GPR107: variants seen among roughly 807,000 people sequenced by gnomAD.
GPR107 encodes G protein-coupled receptor 107, also known as protein GPR107.
In GPR107, 31 loss-of-function variants were observed where a neutral mutation model predicts 75.5. The observed-to-expected ratio is 0.41, with a 90% CI of 0.31 to 0.55. The LOEUF (loss-of-function observed/expected upper bound fraction) is 0.55. Among genes scored for constraint, GPR107 ranks in the 20% least tolerant of loss-of-function variants. The pLI, the probability that GPR107 is intolerant of heterozygous loss-of-function variation, is 0.26. For missense variants in GPR107, 572 were observed against 665.7 expected (o/e 0.86, Z 1.55); for synonymous variants, 267 against 251.3 (o/e 1.06, Z -0.59).
At position 130,126,935 on chromosome 9, in the gene GPR107, C is replaced by T. The variant is rs139313274; in HGVS notation, c.1357-548C>T. 5.5e-3 allele frequency among the ~76,000 whole-genome samples: 837 copies of T among 152,308 alleles called. 10 individuals carry two copies. Among genetic ancestry groups the T allele is most frequent in the African/African-American group, 0.019 (775 of 41,562 alleles). The stretch of plus-strand genomic sequence containing the variant: ...GCTTAGTCCCCTTGCACAGGCCATG[C>T]TCTAGTGGCCAGCACATTGAGTCTT... On this transcript the variant is annotated intron_variant, in intron 15 of 17. Coordinates refer to ENST00000347136, the MANE Select transcript of GPR107 (RefSeq NM_020960.5).
At chr9:130,110,408 A>G in intron 14 of GPR107, 1 of 1,522,898 alleles carries the variant, frequency 6.6e-7, no homozygotes, top group Non-Finnish European at 8.9e-7. Flanking sequence ...AGCGAATCTA[A>G]GAGCAGGAAG....
At chr9:130,080,126 C>T (rs1830456288) in intron 5 of GPR107, among the ~76,000 whole-genome samples, 1 of 152,190 alleles carries the variant, frequency 6.6e-6, no homozygotes, top group Admixed American at 6.6e-5. Flanking sequence ...TCCTGTTAAG[C>T]AGATACTGTA....
chr9:130,122,470 A>G (rs1831571535), intron 14 of GPR107, among the ~76,000 whole-genome samples: 1 of 152,114 alleles, frequency 6.6e-6, no homozygotes, highest in Non-Finnish European at 1.5e-5. Context: ...TCGATATCTG[A>G]TGCTTCTCAG....
At position 130,077,369 on chromosome 9, in the gene GPR107, C is replaced by G; in HGVS notation, c.377C>G (p.Ser126Cys). The change falls in exon 4 of 18, where the codon TCC becomes TGC. Residue 126 changes from serine to cysteine, a missense_variant. Ser to Cys is a moderately radical substitution (Grantham distance 112). Transcript: ENST00000347136. ...GTCACCCTTTTAATCCTAGACATCTCCAGAAGTGAGTAAGTAATTCTAAAG... is the reference window on the plus strand; with the variant it reads ...GTCACCCTTTTAATCCTAGACATCTGCAGAAGTGAGTAAGTAATTCTAAAG... ...VSVTLLILDI[S>C]RSEVRVKSPP... 6.7e-7 allele frequency: 1 copy of G among 1,486,892 alleles called. No individual in the cohort carries two copies. Among genetic ancestry groups the G allele is most frequent in the Non-Finnish European group, 9.4e-7 (1 of 1,063,776 alleles). The allele number at this position is 1,486,892 out of a possible 1,614,324, so 92.1% of individuals were successfully genotyped here.
chr9:130,081,712 C>T (rs900474329), intron 5 of GPR107, among the ~76,000 whole-genome samples: 11 of 150,958 alleles, frequency 7.3e-5, no homozygotes, highest in African/African-American at 2.2e-4. Flanking sequence ...AAAAATTAGC[C>T]GGATGTGGTG....
chr9:130,099,134 AC>A (rs1318448534), intron 9 of GPR107, among the ~76,000 whole-genome samples: 1 of 151,972 alleles, frequency 6.6e-6, no homozygotes, highest in African/African-American at 2.4e-5. Flanking sequence ...ACTTAGCAAA[AC>A]CCTTTCTGTA....
At chr9:130,122,692 C>T (rs576019527) in intron 14 of GPR107, among the ~76,000 whole-genome samples, 2 of 152,242 alleles carry the variant, frequency 1.3e-5, no homozygotes, top group East Asian at 3.9e-4. Flanking sequence ...GGGCCTGGCT[C>T]AGAGTTGGGG....
chr9:130,096,659 G>C (rs1009789181), intron 9 of GPR107, among the ~76,000 whole-genome samples: 33 of 152,032 alleles, frequency 2.2e-4, no homozygotes, highest in African/African-American at 8.0e-4. Context: ...GTAGAGACGG[G>C]GTTTCACTAC....
At chr9:130,079,904 C>A in intron 5 of GPR107, 135 bp downstream of exon 5, 1 of 502,456 alleles carries the variant, frequency 2.0e-6, no homozygotes, top group South Asian at 4.8e-5. Flanking sequence ...CACAAAAATA[C>A]GTAAATGTTA....
chr9:130,079,578 T>C (rs1164302019), intron 4 of GPR107, 52 bp from the exon 5 acceptor site: 20 of 1,549,990 alleles, frequency 1.3e-5, no homozygotes, highest in Non-Finnish European at 1.6e-5. Flanking sequence ...GCGTGCTCAG[T>C]GGCCAGGAGC....
chr9:130,123,431 T>A (rs1831597568), intron 14 of GPR107, among the ~76,000 whole-genome samples: 1 of 152,020 alleles, frequency 6.6e-6, no homozygotes, highest in Non-Finnish European at 1.5e-5. Context: ...CTTGAACTCC[T>A]GACCTCATGA....
At position 130,096,468 on chromosome 9, in the gene GPR107, C is replaced by CTTTT. The variant is rs34230243; in HGVS notation, c.864-2974_864-2971dup. ...AATGTGTTGCATATACATTTTTGGA[C>CTTTT]TTTTTTTTTTTTTTTTTTGAGACCT... On this transcript the variant is annotated intron_variant, in intron 9 of 17. Transcript: ENST00000347136. Among the ~76,000 whole-genome samples the CTTTT allele has an allele frequency of 8.2e-5, 10 of 122,334 alleles. 1 individual carries two copies. The highest frequency in any genetic ancestry group is 2.4e-4 in the East Asian group (1 of 4,142). The allele number at this position is 122,334 out of a possible 152,430, so 80.3% of individuals were successfully genotyped here.
rs542200886 is a variant in GPR107 at position 130,081,878 on chromosome 9, A to AAAC, written c.527-1672_527-1670dup. On this transcript the variant is annotated intron_variant, in intron 5 of 17. Transcript: ENST00000347136. ...CTCAAAACCAACCACCACCACCGAA[A>AAAC]AACAACAACAACAACAAAAAAAGAA... 5.3e-5 allele frequency among the ~76,000 whole-genome samples: 8 copies of AAAC among 152,074 alleles called. No individual in the cohort carries two copies. In the South Asian group the frequency reaches 1.2e-3, roughly 24 times the overall value.
At chr9:130,077,262 G>A (rs1830373288) in intron 3 of GPR107, 37 bp from the exon 4 acceptor site, 1 of 1,034,672 alleles carries the variant, frequency 9.7e-7, no homozygotes, top group South Asian at 1.3e-5. Flanking sequence ...TAGTGTGAAT[G>A]AATAAGATGA....
At chr9:130,057,594 C>G (rs896985473) in intron 1 of GPR107, among the ~76,000 whole-genome samples, 2 of 151,900 alleles carry the variant, frequency 1.3e-5, no homozygotes, top group Admixed American at 6.6e-5. Flanking sequence ...TAATGAACTC[C>G]CATGTGCCTG....
intron 1 of GPR107, among the ~76,000 whole-genome samples, chr9:130,071,391 T>A (rs1255113190): frequency 6.6e-6 from 1 of 152,098 alleles, no homozygotes; most frequent in Non-Finnish European, 1.5e-5. Flanking sequence ...TGTTGTATCA[T>A]GATTACTTTC....
chr9:130,105,934 A>T (rs1477062324), intron 13 of GPR107, among the ~76,000 whole-genome samples: 1 of 152,102 alleles, frequency 6.6e-6, no homozygotes, highest in Non-Finnish European at 1.5e-5. Context: ...TGCTGGGATT[A>T]TAGGCATGAG....
At chr9:130,086,055 T>G (rs535436016) in intron 6 of GPR107, among the ~76,000 whole-genome samples, 1 of 152,144 alleles carries the variant, frequency 6.6e-6, no homozygotes, top group South Asian at 2.1e-4. Flanking sequence ...CTGGCCAATA[T>G]TTTGGTCATT....
chr9:130,086,215 G>A (rs1830612514), intron 6 of GPR107, among the ~76,000 whole-genome samples: 1 of 152,182 alleles, frequency 6.6e-6, no homozygotes, highest in Admixed American at 6.5e-5. Context: ...AGGCAGAAGA[G>A]ACAGGTGAAG....
Sources: allele counts gnomAD v4.1 joint callset (sites outside exome capture counted in the v4.1 genomes callset), GRCh38; gene constraint gnomAD v4.1.1; transcripts MANE v1.5; gene names NCBI Gene and HGNC (gene_info 2026-07-23, HGNC 2026-07-21).